Variants in TRIM2 observed in about 807,000 individuals in gnomAD.
TRIM2 encodes the protein tripartite motif-containing protein 2.
TRIM2 carries 20 observed loss-of-function variants against 75.2 expected under a neutral mutation model. That is an observed-to-expected ratio of 0.27 (90% confidence interval 0.19 to 0.39). TRIM2 has a LOEUF of 0.39. Among genes scored for constraint, TRIM2 ranks in the 10% least tolerant of loss-of-function variants. TRIM2 has a pLI of 1.00. For synonymous variants in TRIM2, 373 were observed against 388.3 expected (o/e 0.96, Z 0.46); for missense variants, 660 against 990.8 (o/e 0.67, Z 4.48).
At chr4:153,310,707 C>G (rs1031552123) in intron 6 of TRIM2, among the ~76,000 whole-genome samples, 2 of 152,082 alleles carry the variant, frequency 1.3e-5, no homozygotes, top group Non-Finnish European at 2.9e-5. Context: ...GAGATGTTAC[C>G]AGGAATCCCA....
chr4:153,208,461 A>C, intron 1 of TRIM2, among the ~76,000 whole-genome samples: 1 of 152,172 alleles, frequency 6.6e-6, no homozygotes, highest in South Asian at 2.1e-4. Context: ...ATAAACAATA[A>C]ATAAATCTAA....
At chr4:153,287,899 T>C (rs1335930674) in intron 3 of TRIM2, among the ~76,000 whole-genome samples, 1 of 152,320 alleles carries the variant, frequency 6.6e-6, no homozygotes, top group African/African-American at 2.4e-5. Context: ...CAGGTTACTT[T>C]GTAGTGTATC....
chr4:153,168,121 G>A (rs1730491482), intron 1 of TRIM2, among the ~76,000 whole-genome samples: 1 of 119,588 alleles, frequency 8.4e-6, no homozygotes, highest in African/African-American at 2.6e-5. Context: ...GTCTGTACAA[G>A]GATTTTTTTT....
At chr4:153,259,956 C>G (rs890739711) in intron 1 of TRIM2, among the ~76,000 whole-genome samples, 3 of 152,240 alleles carry the variant, frequency 2.0e-5, no homozygotes, top group East Asian at 1.9e-4. Context: ...TTCACATTCT[C>G]GACAGCCTCT....
At chr4:153,167,535 T>C (rs1339919782) in intron 1 of TRIM2, among the ~76,000 whole-genome samples, 1 of 152,236 alleles carries the variant, frequency 6.6e-6, no homozygotes, top group East Asian at 1.9e-4. Context: ...ACAATGTTTA[T>C]TTTGAAGTCT....
chr4:153,275,893 G>A lies in TRIM2; in HGVS notation c.216G>A (p.Arg72=), dbSNP rs771333865. 6.2e-7 allele frequency: 1 copy of A among 1,613,642 alleles called. No homozygotes were observed. Among genetic ancestry groups the A allele is most frequent in the South Asian group, 1.1e-5 (1 of 91,046 alleles). Residue 72 remains arginine, a splice_region_variant and synonymous_variant, in exon 3 of 12, where the codon AGG becomes AGA. Coordinates refer to ENST00000338700, the MANE Select transcript of TRIM2 (RefSeq NM_015271.5). ...CTCTCCACCTCTGCTTCTGCAACAG[G>A]TGCCTGCAGAACTACATTCCTGCCC... The part of the protein sequence containing the change: ...VLPCLHTFCE[R]CLQNYIPAHS...
chr4:153,308,205 T>A, intron 6 of TRIM2: 1 of 1,460,604 alleles, frequency 6.8e-7, no homozygotes, highest in Non-Finnish European at 9.6e-7. Flanking sequence ...CAGTTCATAA[T>A]CAATGACAGA....
intron 10 of TRIM2, among the ~76,000 whole-genome samples, chr4:153,326,364 T>C (rs1021256410): frequency 8.5e-5 from 13 of 152,212 alleles, no homozygotes; most frequent in African/African-American, 2.7e-4. Context: ...TAAAAAACCA[T>C]AGCCTTTCGT....
chr4:153,288,077 C>A (rs1761048516), intron 3 of TRIM2, among the ~76,000 whole-genome samples: 1 of 151,104 alleles, frequency 6.6e-6, no homozygotes, highest in Non-Finnish European at 1.5e-5. Context: ...ATTTTTTTTT[C>A]AGCAGTTTGA....
At chr4:153,297,492 T>G (rs1763008389) in intron 6 of TRIM2, among the ~76,000 whole-genome samples, 1 of 152,232 alleles carries the variant, frequency 6.6e-6, no homozygotes, top group Admixed American at 6.5e-5. Flanking sequence ...ATGCCTGACA[T>G]GTAGGAGGAG....
At position 153,199,002 on chromosome 4, in the gene TRIM2, T is replaced by C. The variant is rs531866264; in HGVS notation, c.-49+45732T>C. Among the ~76,000 whole-genome samples the C allele has an allele frequency of 2.6e-5, 4 of 152,364 alleles. No homozygotes were observed. The East Asian group carries it at 7.7e-4, about 29-fold the overall frequency. On this transcript the variant is annotated intron_variant, in intron 1 of 11. Transcript: ENST00000437508. ...TGGTTCGAAATTTAGAAAGTAGTGA[T>C]GTCATCTCTCCATCTTTTCAAAGAA...
intron 6 of TRIM2, chr4:153,307,948 G>C (rs186310479): frequency 1.3e-6 from 1 of 754,954 alleles, no homozygotes; most frequent in Admixed American, 1.7e-5. Flanking sequence ...TCGTACAGCC[G>C]GTCAGCGAAA....
At chr4:153,291,135 A>T (rs900917993) in intron 3 of TRIM2, among the ~76,000 whole-genome samples, 7 of 152,220 alleles carry the variant, frequency 4.6e-5, no homozygotes, top group African/African-American at 1.7e-4. Context: ...TATGAAATTT[A>T]AAATTATCTT....
intron 6 of TRIM2, among the ~76,000 whole-genome samples, chr4:153,299,419 C>A (rs1763412078): frequency 1.3e-5 from 2 of 151,890 alleles, no homozygotes; most frequent in Non-Finnish European, 2.9e-5. Flanking sequence ...TTTATCTATT[C>A]ATTTGTTGAT....
chr4:153,250,987 T>C (rs1264764582), intron 1 of TRIM2, among the ~76,000 whole-genome samples: 1 of 152,216 alleles, frequency 6.6e-6, no homozygotes, highest in Admixed American at 6.5e-5. Context: ...TAAAGGGTCA[T>C]CTGAAGGCCA....
chr4:153,191,241 G>C (rs369468403), intron 1 of TRIM2, among the ~76,000 whole-genome samples: 7 of 152,328 alleles, frequency 4.6e-5, no homozygotes, highest in East Asian at 1.9e-4. Context: ...GATGGGCTTA[G>C]TTTGAGTTGG....
At chr4:153,242,639 C>T (rs925089690) in intron 1 of TRIM2, among the ~76,000 whole-genome samples, 1 of 152,136 alleles carries the variant, frequency 6.6e-6, no homozygotes, top group African/African-American at 2.4e-5. Flanking sequence ...TGTTGTATTC[C>T]CATTTGTGTC....
At chr4:153,260,096 A>G (rs868667694) in intron 1 of TRIM2, among the ~76,000 whole-genome samples, 3 of 152,204 alleles carry the variant, frequency 2.0e-5, no homozygotes, top group African/African-American at 7.2e-5. Flanking sequence ...CCTATTATGT[A>G]GAGCTGTGTC....
At position 153,307,684 on chromosome 4, in the gene TRIM2, G is replaced by A. The variant is rs561784199; in HGVS notation, c.1511-7801G>A. On this transcript the variant is annotated intron_variant, in intron 6 of 11. Transcript: ENST00000338700. ...ACAGGAACAGCCACAGGGACTGCTA[G>A]TCACAAGCGGGTTTTCTAGACCTGT... is the stretch of plus-strand genomic sequence containing the variant. 4 of 504,446 alleles carry A rather than the reference G, an allele frequency of 7.9e-6. No homozygotes were observed. In the East Asian group the frequency reaches 1.7e-4, roughly 21 times the overall value. 31.2% of individuals were successfully genotyped at this position (504,446 alleles called of 1,614,324 possible). A position where few individuals can be genotyped will look rare whatever the true frequency, so the allele number is the denominator to read the frequency against.
Sources: gnomAD v4.1 joint callset for allele counts (sites outside exome capture counted in the v4.1 genomes callset) on GRCh38, gnomAD v4.1.1 for gene constraint, MANE v1.5 for transcripts, NCBI Gene and HGNC (gene_info 2026-07-23, HGNC 2026-07-21) for gene names.